The following NRXN3 variants were observed in gnomAD, a reference collection of about 807,000 sequenced individuals.
NRXN3 encodes neurexin 3, also known as neurexin III.
Under a neutral mutation model 137.6 loss-of-function variants are expected in NRXN3, and 32 were observed. That is an observed-to-expected ratio of 0.23 (90% confidence interval 0.18 to 0.31). The LOEUF (loss-of-function observed/expected upper bound fraction) is 0.31, where lower values mean the gene tolerates loss of function less well. NRXN3 is among the 10% of genes least tolerant of loss of function. NRXN3 has a pLI of 1.00. For synonymous variants in NRXN3, 798 were observed against 784.5 expected, an observed-to-expected ratio of 1.02 and a Z score of -0.29; for missense variants, 1,574 against 2,062.5, an observed-to-expected ratio of 0.76 and a Z score of 4.59.
intron 6 of NRXN3, among the ~76,000 whole-genome samples, chr14:78,692,735 A>G (rs151091727): frequency 1.5e-3 from 229 of 152,318 alleles, no homozygotes; most frequent in African/African-American, 5.4e-3. Context: ...AAAATGAGAT[A>G]ATTATGGCAT....
At chr14:78,608,588 T>C (rs1040315188) in intron 4 of NRXN3, among the ~76,000 whole-genome samples, 5 of 152,220 alleles carry the variant, frequency 3.3e-5, no homozygotes, top group African/African-American at 1.2e-4. Context: ...TCAGTGTCAC[T>C]TGATCCATTA....
At chr14:79,413,823 A>G (rs981710912) in intron 15 of NRXN3, among the ~76,000 whole-genome samples, 1 of 144,490 alleles carries the variant, frequency 6.9e-6, no homozygotes, top group Non-Finnish European at 1.5e-5. Context: ...AATTCAAATC[A>G]TGAGAGTTAA....
At position 78,243,292 on chromosome 14, in the gene NRXN3, C is replaced by G; in HGVS notation, c.199C>G (p.Leu67Val). Reference sequence around the variant, plus strand: ...CGTCTCTACGGGGCTGCTCCTCTACCTGGATGATGGCGGCGTCTGCGACTT... The same window carrying G: ...CGTCTCTACGGGGCTGCTCCTCTACGTGGATGATGGCGGCGTCTGCGACTT... ...TNVSTGLLLY[L>V]DDGGVCDFLC... Residue 67 changes from leucine to valine, a missense_variant, in exon 2 of 21, where the codon CTG (leucine) becomes GTG (valine). Coordinates refer to ENST00000335750, the MANE Select transcript of NRXN3 (RefSeq NM_001330195.2). The surrounding 1 kb of genome is among the most constrained non-coding windows in gnomAD (Gnocchi z 4.2). 6.4e-7 allele frequency: 1 copy of G among 1,561,172 alleles called. No homozygotes were observed. Among genetic ancestry groups the G allele is most frequent in the Non-Finnish European group, 8.6e-7 (1 of 1,161,202 alleles).
intron 20 of NRXN3, among the ~76,000 whole-genome samples, chr14:79,844,664 T>C (rs934945817): frequency 1.3e-5 from 2 of 152,140 alleles, no homozygotes; most frequent in African/African-American, 4.8e-5. Flanking sequence ...TAGTAAACCA[T>C]GCTGTAAACA....
At chr14:79,573,533 G>T (rs773350660) in intron 16 of NRXN3, among the ~76,000 whole-genome samples, 9 of 152,042 alleles carry the variant, frequency 5.9e-5, no homozygotes, top group Non-Finnish European at 1.0e-4. Flanking sequence ...CCAGCACTGG[G>T]AAGGCCATAT....
chr14:79,787,433 A>G (rs536915403), intron 19 of NRXN3, among the ~76,000 whole-genome samples: 1 of 152,314 alleles, frequency 6.6e-6, no homozygotes, highest in South Asian at 2.1e-4. Context: ...TAAAATATAT[A>G]ATTTTGAAAT....
Position 78,645,385 on chromosome 14 carries a change from C to A in NRXN3, c.1023C>A (p.Ala341=). Residue 341 remains alanine (A), a synonymous_variant, in exon 5 of 21, where the codon GCC becomes GCA. Transcript: ENST00000335750. ...EPVNGKFNDN[A]WHDVKVTRNL... The stretch of plus-strand genomic sequence containing the variant: ...TGAATGGAAAATTCAACGACAACGC[C>A]TGGCATGATGTCAAAGTGACACGCA... The A allele has an allele frequency of 6.3e-7, 1 of 1,596,136 alleles. No homozygotes were observed. Among genetic ancestry groups the A allele is most frequent in the African/African-American group, 1.3e-5 (1 of 74,958 alleles).
intron 15 of NRXN3, among the ~76,000 whole-genome samples, chr14:79,181,410 C>A (rs374209776): frequency 6.6e-6 from 1 of 151,870 alleles, no homozygotes; most frequent in African/African-American, 2.4e-5. Context: ...TGGCTGGGCA[C>A]GGTGGCTCAC....
At chr14:78,873,267 T>C (rs531325700) in intron 10 of NRXN3, among the ~76,000 whole-genome samples, 1 of 152,152 alleles carries the variant, frequency 6.6e-6, no homozygotes, top group Non-Finnish European at 1.5e-5. Context: ...TCTGCTATTG[T>C]CTTTTCATCC....
chr14:79,328,157 T>G (rs1357910379), intron 15 of NRXN3, among the ~76,000 whole-genome samples: 1 of 152,140 alleles, frequency 6.6e-6, no homozygotes, highest in Non-Finnish European at 1.5e-5. Context: ...GAAAAAGAAA[T>G]TATTATAAAT....
intron 15 of NRXN3, among the ~76,000 whole-genome samples, chr14:79,171,510 T>C (rs1268476915): frequency 6.6e-6 from 1 of 152,064 alleles, no homozygotes; most frequent in Admixed American, 6.6e-5. Context: ...TGAACAACAA[T>C]CAATTCTGTA....
intron 8 of NRXN3, among the ~76,000 whole-genome samples, chr14:78,786,132 A>G (rs1422223080): frequency 6.6e-6 from 1 of 152,200 alleles, no homozygotes; most frequent in Non-Finnish European, 1.5e-5. Flanking sequence ...CAAGGTAGGA[A>G]ATTTGTTTTA....
chr14:79,188,455 A>G (rs2063800809), intron 15 of NRXN3, among the ~76,000 whole-genome samples: 1 of 152,158 alleles, frequency 6.6e-6, no homozygotes, highest in South Asian at 2.1e-4. Flanking sequence ...TTTCTGGAGA[A>G]CAGTCTTTAT....
At position 78,263,413 on chromosome 14, in the gene NRXN3, A is replaced by C. The variant is rs552343183; in HGVS notation, c.710-15232A>C. ...ATTAATCAAGATACTTTGATTGTACAGTTTTGACCCTGAGGCCCTTTACCT... is the reference window on the plus strand; with the variant it reads ...ATTAATCAAGATACTTTGATTGTACCGTTTTGACCCTGAGGCCCTTTACCT... On this transcript the variant is annotated intron_variant, in intron 2 of 20. Transcript: ENST00000335750. Among the ~76,000 whole-genome samples, 132 of 152,322 alleles carry C rather than the reference A, an allele frequency of 8.7e-4. 1 individual carries two copies. Among genetic ancestry groups the C allele is most frequent in the African/African-American group, 3.0e-3 (124 of 41,588 alleles).
At chr14:78,249,884 G>T (rs1163989317) in intron 2 of NRXN3, among the ~76,000 whole-genome samples, 1 of 152,112 alleles carries the variant, frequency 6.6e-6, no homozygotes, top group Admixed American at 6.5e-5. Flanking sequence ...GAGGGAAAAC[G>T]ATCCGGACTT....
At chr14:79,183,998 A>G (rs2063235068) in intron 15 of NRXN3, among the ~76,000 whole-genome samples, 1 of 152,158 alleles carries the variant, frequency 6.6e-6, no homozygotes, top group African/African-American at 2.4e-5. Flanking sequence ...AGTAATAACA[A>G]AGCAGCCACA....
intron 16 of NRXN3, among the ~76,000 whole-genome samples, chr14:79,517,216 TTTTCTTA>T (rs1266294290): frequency 6.6e-6 from 1 of 152,104 alleles, no homozygotes; most frequent in Non-Finnish European, 1.5e-5. Context: ...TTTATTTTCT[TTTTCTTA>T]TGATGAGTGA....
At chr14:79,151,403 C>G (rs1402217810) in intron 15 of NRXN3, among the ~76,000 whole-genome samples, 1 of 152,040 alleles carries the variant, frequency 6.6e-6, no homozygotes, top group Non-Finnish European at 1.5e-5. Flanking sequence ...AAAACCATAG[C>G]AAGTATGGCA....
chr14:79,249,708 T>C (rs1415339392), intron 15 of NRXN3, among the ~76,000 whole-genome samples: 1 of 152,252 alleles, frequency 6.6e-6, no homozygotes, highest in East Asian at 1.9e-4. Context: ...TGCCAAAATA[T>C]ACAAGAAGCC....
Sources: gnomAD v4.1 joint callset for allele counts (sites outside exome capture counted in the v4.1 genomes callset) on GRCh38, gnomAD v4.1.1 for gene constraint, Gnocchi (gnomAD v3.1) non-coding constraint, MANE v1.5 for transcripts, NCBI Gene and HGNC (gene_info 2026-07-23, HGNC 2026-07-21) for gene names.